Variants in SNX13 observed in about 807,000 individuals in gnomAD.
SNX13 encodes sorting nexin-13.
A neutral mutation model predicts 133.6 loss-of-function variants in SNX13; 45 were observed. That is an observed-to-expected ratio of 0.34 (90% CI 0.27 to 0.43). SNX13 has a LOEUF of 0.43. SNX13 is among the 20% of genes least tolerant of loss of function. SNX13 has a pLI of 1.00. For synonymous variants in SNX13, 414 were observed against 373.9 expected (o/e 1.11, Z -1.24); for missense variants, 1,032 against 1,145.1 (o/e 0.90, Z 1.43).
intron 9 of SNX13, among the ~76,000 whole-genome samples, chr7:17,865,936 T>C (rs1052199078): frequency 2.0e-5 from 3 of 152,092 alleles, no homozygotes; most frequent in African/African-American, 7.2e-5. Context: ...TGGATATCGA[T>C]ACGCAGAGGA....
chr7:17,856,213 C>T (rs977472454), intron 9 of SNX13, among the ~76,000 whole-genome samples: 1 of 152,164 alleles, frequency 6.6e-6, no homozygotes, highest in Non-Finnish European at 1.5e-5. Flanking sequence ...TTCTTTGTTT[C>T]TTTCTTTGCA....
At chr7:17,825,952 T>G (rs1787863836) in intron 17 of SNX13, 70 bp downstream of exon 17, 1 of 1,119,868 alleles carries the variant, frequency 8.9e-7, no homozygotes, top group African/African-American at 1.6e-5. Context: ...AAAAATTAAG[T>G]GTGGAAAATT....
At chr7:17,928,321 C>T (rs987702013) in intron 1 of SNX13, among the ~76,000 whole-genome samples, 1 of 152,156 alleles carries the variant, frequency 6.6e-6, no homozygotes, top group Middle Eastern at 3.4e-3. Flanking sequence ...ATAGCAAGAC[C>T]CCATCTCTAA....
At chr7:17,882,161 T>A (rs1348458654) in intron 5 of SNX13, 1 of 152,168 alleles carries the variant, frequency 6.6e-6, no homozygotes, top group African/African-American at 2.4e-5. Flanking sequence ...GGTTTACAAA[T>A]CTGCCTCTGC....
chr7:17,866,595 TTA>T (rs1200076126), intron 9 of SNX13, among the ~76,000 whole-genome samples: 4 of 152,108 alleles, frequency 2.6e-5, no homozygotes. Context: ...CTGAGGGACA[TTA>T]TGTTAAGTCA....
intron 9 of SNX13, among the ~76,000 whole-genome samples, chr7:17,855,701 T>C (rs1374823261): frequency 1.3e-5 from 2 of 152,220 alleles, no homozygotes; most frequent in Non-Finnish European, 2.9e-5. Context: ...CCTTTCAAAA[T>C]ATTATTGCTC....
At chr7:17,812,428 T>C (rs1483853720) in intron 20 of SNX13, among the ~76,000 whole-genome samples, 1 of 152,048 alleles carries the variant, frequency 6.6e-6, no homozygotes, top group African/African-American at 2.4e-5. Flanking sequence ...GAGAAATGCA[T>C]ATCAAACCAC....
At chr7:17,827,127 C>G (rs570633274) in intron 16 of SNX13, among the ~76,000 whole-genome samples, 10 of 152,002 alleles carry the variant, frequency 6.6e-5, no homozygotes, top group Non-Finnish European at 5.9e-5. Context: ...ATGAATTTTC[C>G]TGGTGGCAAC....
At chr7:17,832,007 AT>A in intron 15 of SNX13, 1 of 983,924 alleles carries the variant, frequency 1.0e-6, no homozygotes, top group African/African-American at 1.7e-5. Flanking sequence ...ATTTCACAGT[AT>A]AAAACTCATC....
At chr7:17,891,011 C>T (rs1010630177) in intron 4 of SNX13, among the ~76,000 whole-genome samples, 2 of 151,622 alleles carry the variant, frequency 1.3e-5, no homozygotes. Flanking sequence ...CATAATACAA[C>T]TCAATGTATA....
At chr7:17,896,686 A>G (rs1198865411) in intron 2 of SNX13, among the ~76,000 whole-genome samples, 2 of 152,194 alleles carry the variant, frequency 1.3e-5, no homozygotes, top group Non-Finnish European at 1.5e-5. Flanking sequence ...TATTTTGGTA[A>G]CAGTGTCTAA....
intron 1 of SNX13, among the ~76,000 whole-genome samples, chr7:17,932,977 T>TCAC (rs1193770804): frequency 6.6e-6 from 1 of 152,162 alleles, no homozygotes; most frequent in African/African-American, 2.4e-5. Context: ...CCCAACTGAC[T>TCAC]CACCACTTCA....
intron 20 of SNX13, among the ~76,000 whole-genome samples, chr7:17,805,250 T>TGTGTGTGTGTGTGTGCGCGCGC: frequency 2.9e-4 from 28 of 95,588 alleles, no homozygotes; most frequent in African/African-American, 6.3e-4. Flanking sequence ...TGTGTGTGTG[T>TGTGTGTGTGTGTGTGCGCGCGC]GCGTGCGCGC....
chr7:17,883,128 T>C (rs906820434), intron 5 of SNX13, among the ~76,000 whole-genome samples: 2 of 152,238 alleles, frequency 1.3e-5, no homozygotes, highest in Non-Finnish European at 2.9e-5. Flanking sequence ...TGGTATTTAG[T>C]GAGCTATAAC....
intron 1 of SNX13, among the ~76,000 whole-genome samples, chr7:17,932,243 A>T (rs532972271): frequency 9.2e-5 from 14 of 152,340 alleles, no homozygotes; most frequent in African/African-American, 3.4e-4. Flanking sequence ...TGCATTTATA[A>T]TTGGTTATAT....
At chr7:17,939,961 G>T (rs1318244118) in intron 1 of SNX13, among the ~76,000 whole-genome samples, 1 of 152,262 alleles carries the variant, frequency 6.6e-6, no homozygotes, top group East Asian at 1.9e-4. Context: ...GGCCAACGCT[G>T]CCACAGAGTA....
intron 5 of SNX13, among the ~76,000 whole-genome samples, chr7:17,887,026 A>G (rs1029025884): frequency 6.6e-6 from 1 of 151,966 alleles, no homozygotes; most frequent in Non-Finnish European, 1.5e-5. Flanking sequence ...TACACAACCT[A>G]GGAACATAAT....
chr7:17,843,496 T>A (rs966228700), intron 12 of SNX13, among the ~76,000 whole-genome samples: 8 of 152,028 alleles, frequency 5.3e-5, no homozygotes, highest in Admixed American at 2.6e-4. Flanking sequence ...GAGATTTCGA[T>A]GCCCCACTCT....
chr7:17,834,346 C>T (rs570209232), intron 14 of SNX13, among the ~76,000 whole-genome samples, 162 bp from the exon 15 acceptor site: 1 of 151,816 alleles, frequency 6.6e-6, no homozygotes, highest in East Asian at 1.9e-4. Context: ...TTCCTCTGAT[C>T]CCTCCAGTAA....
Sources: gnomAD v4.1 joint callset for allele counts (sites outside exome capture counted in the v4.1 genomes callset) on GRCh38, gnomAD v4.1.1 for gene constraint, MANE v1.5 for transcripts, NCBI Gene and HGNC (gene_info 2026-07-23, HGNC 2026-07-21) for gene names.